CADM2: variants seen among roughly 807,000 people sequenced by gnomAD.
The protein encoded by CADM2 is cell adhesion molecule 2.
CADM2 carries 12 observed loss-of-function variants against 49.8 expected under a neutral mutation model. The ratio of observed to expected loss-of-function variants is 0.24; its 90% CI spans 0.15 to 0.39. CADM2 has a LOEUF of 0.39. CADM2 is among the 10% of genes least tolerant of loss of function. The pLI, the probability that CADM2 is intolerant of heterozygous loss-of-function variation, is 1.00. For synonymous variants in CADM2, 214 were observed against 175.4 expected (o/e 1.22, Z -1.74); for missense variants, 378 against 492.3 (o/e 0.77, Z 2.20).
chr3:85,460,965 C>T (rs556769387), intron 1 of CADM2, among the ~76,000 whole-genome samples: 3 of 152,180 alleles, frequency 2.0e-5, no homozygotes, highest in Non-Finnish European at 2.9e-5. Context: ...TGGGAAGGAA[C>T]GAAGAGGGAA....
At position 85,026,412 on chromosome 3, in the gene CADM2, GT is replaced by G. The variant is rs541344211; in HGVS notation, c.61+66749del. On this transcript the variant is annotated intron_variant, in intron 1 of 9. Transcript: ENST00000383699. ...ATATTTAAATGCCAATAACTTCCTA[GT>G]TTTTATCCTTATTCAAAACTATTGC... Among the ~76,000 whole-genome samples, 647 of 152,134 alleles carry G rather than the reference GT, an allele frequency of 4.3e-3. 1 individual carries two copies. The highest frequency in any genetic ancestry group is 0.014 in the African/African-American group (572 of 41,498).
At chr3:85,595,736 G>T (rs1322515694) in intron 1 of CADM2, among the ~76,000 whole-genome samples, 1 of 151,902 alleles carries the variant, frequency 6.6e-6, no homozygotes, top group Non-Finnish European at 1.5e-5. Context: ...TATAGTCTAA[G>T]TTGTAATAAA....
Position 85,816,534 on chromosome 3 carries a change from A to G in CADM2, c.238+14338A>G, listed in dbSNP as rs1457138156. ...TTGATGTATAGACTCTATGCAGGGT[A>G]TTTTCTTTTAATAGAATAGATACTT... On this transcript the variant is annotated intron_variant, in intron 3 of 9. Transcript: ENST00000383699. Among the ~76,000 whole-genome samples, 4 of 152,148 alleles carry G rather than the reference A, an allele frequency of 2.6e-5. No homozygotes were observed. In the East Asian group the frequency reaches 7.7e-4, roughly 29 times the overall value.
chr3:85,932,215 A>T (rs183283678), intron 6 of CADM2, among the ~76,000 whole-genome samples: 1 of 152,108 alleles, frequency 6.6e-6, no homozygotes, highest in Non-Finnish European at 1.5e-5. Context: ...CAAAGAAACG[A>T]GGTATCGGGT....
intron 1 of CADM2, among the ~76,000 whole-genome samples, chr3:85,177,395 T>C (rs546755300): frequency 6.6e-6 from 1 of 152,230 alleles, no homozygotes; most frequent in African/African-American, 2.4e-5. Flanking sequence ...ATACCTTTAA[T>C]TTTATTTAGC....
chr3:85,789,914 C>A (rs1255514439), intron 2 of CADM2, among the ~76,000 whole-genome samples: 3 of 151,966 alleles, frequency 2.0e-5, no homozygotes, highest in Non-Finnish European at 2.9e-5. Flanking sequence ...ACATACAAGT[C>A]AAAAAAGTGT....
At position 85,556,483 on chromosome 3, in the gene CADM2, T is replaced by C. The variant is rs79079090; in HGVS notation, c.62-170039T>C. Among the ~76,000 whole-genome samples, 65 of 152,278 alleles carry C rather than the reference T, an allele frequency of 4.3e-4. No individual in the cohort carries two copies. In the East Asian group the frequency reaches 0.012, roughly 27 times the overall value. On this transcript the variant is annotated intron_variant, in intron 1 of 9. Transcript: ENST00000383699. ...CTACACTGTAATCTTCAAATGTTCA[T>C]AGTTTACCTTAGATAATGTCTTAAG... is the stretch of plus-strand genomic sequence containing the variant.
intron 1 of CADM2, among the ~76,000 whole-genome samples, chr3:85,326,039 G>T (rs187741151): frequency 1.3e-5 from 2 of 152,246 alleles, no homozygotes; most frequent in African/African-American, 4.8e-5. Context: ...ATCAACCAAA[G>T]TGTAAGTAGG....
At chr3:85,662,353 C>G (rs1470247988) in intron 1 of CADM2, among the ~76,000 whole-genome samples, 2 of 151,508 alleles carry the variant, frequency 1.3e-5, no homozygotes, top group Non-Finnish European at 2.9e-5. Flanking sequence ...TGCATTTACA[C>G]AATTGCTGCT....
chr3:85,530,899 CACACACACACACACAA>C (rs1379758854), intron 1 of CADM2, among the ~76,000 whole-genome samples: 182 of 149,960 alleles, frequency 1.2e-3, no homozygotes, highest in African/African-American at 4.3e-3. Context: ...CACACACACA[CACACACACACACACAA>C]AATTCATTAT....
chr3:85,247,714 G>A (rs532201844), intron 1 of CADM2, among the ~76,000 whole-genome samples: 10 of 152,146 alleles, frequency 6.6e-5, no homozygotes, highest in South Asian at 6.2e-4. Flanking sequence ...ACAAAGTCAC[G>A]TTTCTAGAAT....
intron 1 of CADM2, among the ~76,000 whole-genome samples, chr3:85,026,871 T>G (rs2034750199): frequency 6.6e-6 from 1 of 151,948 alleles, no homozygotes. Context: ...ACTTTACTGT[T>G]TTTTAAAAAT....
intron 3 of CADM2, among the ~76,000 whole-genome samples, chr3:85,814,661 G>T (rs1273893835): frequency 6.6e-6 from 1 of 151,828 alleles, no homozygotes. Context: ...GAATCAAATA[G>T]ACACAATAAA....
chr3:85,232,383 A>T (rs914006086), intron 1 of CADM2, among the ~76,000 whole-genome samples: 2 of 152,022 alleles, frequency 1.3e-5, no homozygotes, highest in Non-Finnish European at 2.9e-5. Context: ...ATACCTCTTT[A>T]AAAAAGTTTT....
At chr3:85,921,214 G>T (rs1243899396) in intron 6 of CADM2, among the ~76,000 whole-genome samples, 1 of 151,734 alleles carries the variant, frequency 6.6e-6, no homozygotes, top group Non-Finnish European at 1.5e-5. Context: ...ATTTTTAAAA[G>T]ATAGCTACAG....
At chr3:85,448,180 A>C (rs2037559888) in intron 1 of CADM2, among the ~76,000 whole-genome samples, 1 of 151,834 alleles carries the variant, frequency 6.6e-6, no homozygotes, top group Non-Finnish European at 1.5e-5. Context: ...AAATACAAAA[A>C]AAATTAGCCA....
chr3:84,968,620 T>A (rs1184579740), intron 1 of CADM2, among the ~76,000 whole-genome samples: 1 of 152,116 alleles, frequency 6.6e-6, no homozygotes, highest in Non-Finnish European at 1.5e-5. Context: ...TAATACAGTA[T>A]CTGTTATTTC....
chr3:85,398,271 C>T (rs2034898846), intron 1 of CADM2, among the ~76,000 whole-genome samples: 1 of 151,966 alleles, frequency 6.6e-6, no homozygotes, highest in Non-Finnish European at 1.5e-5. Context: ...GTTTTTTGTC[C>T]TTGTGATAGT....
intron 1 of CADM2, among the ~76,000 whole-genome samples, chr3:84,998,705 C>A (rs1327041593): frequency 6.6e-6 from 1 of 152,074 alleles, no homozygotes; most frequent in Non-Finnish European, 1.5e-5. Flanking sequence ...AAAAGGTTAG[C>A]TTGGACGTTT....
Sources: allele counts gnomAD v4.1 joint callset (sites outside exome capture counted in the v4.1 genomes callset), GRCh38; gene constraint gnomAD v4.1.1; transcripts MANE v1.5; gene names NCBI Gene and HGNC (gene_info 2026-07-23, HGNC 2026-07-21).